The following ADAD1 variants were observed in gnomAD, a reference collection of about 807,000 sequenced individuals.
ADAD1 encodes the protein adenosine deaminase domain-containing protein 1.
Under a neutral mutation model 66.8 loss-of-function variants are expected in ADAD1, and 46 were observed. The ratio of observed to expected loss-of-function variants is 0.69; its 90% CI spans 0.54 to 0.88. ADAD1 has a LOEUF of 0.88. Among genes scored for constraint, ADAD1 ranks in the 40% least tolerant of loss-of-function variants. The pLI is 0.00. For missense variants in ADAD1, 617 were observed against 681.8 expected (o/e 0.91, Z 1.06); for synonymous variants, 248 against 229.4 (o/e 1.08, Z -0.73).
rs17005718 is a variant in ADAD1, at chr4:122,410,218, A to G, written c.849-1004A>G. Among the ~76,000 whole-genome samples, 372 of 152,360 alleles carry G rather than the reference A, an allele frequency of 2.4e-3. 1 individual carries two copies. Among genetic ancestry groups the G allele is most frequent in the African/African-American group, 8.7e-3 (361 of 41,584 alleles). On this transcript the variant is annotated intron_variant, in intron 8 of 12. Coordinates refer to ENST00000296513, the MANE Select transcript of ADAD1 (RefSeq NM_139243.4). ...ATCTTAAACATTATTCAGCAAGACT[A>G]TGAGGGTAATGCATCTCATTGCCCT...
Position 122,381,119 on chromosome 4 carries a change from C to T in ADAD1, c.300C>T (p.Ala100=), listed in dbSNP as rs1453194356. 6.2e-7 allele frequency: 1 copy of T among 1,601,358 alleles called. No homozygotes were observed. The highest frequency in any genetic ancestry group is 1.1e-5 in the South Asian group (1 of 87,624). ...GTGGAGAGATAAATCCTGTGTCAGC[C>T]TTGCACCAGTTTGCACAAATGCAGC... ...YKRGEINPVS[A]LHQFAQMQRV... Residue 100 remains alanine, a synonymous_variant, in exon 4 of 13, where the codon GCC becomes GCT. Coordinates refer to ENST00000296513, the MANE Select transcript of ADAD1 (RefSeq NM_139243.4).
At chr4:122,415,291 G>A in intron 10 of ADAD1, 88 bp from the exon 11 acceptor site, 1 of 1,048,554 alleles carries the variant, frequency 9.5e-7, no homozygotes, top group African/African-American at 1.6e-5. Flanking sequence ...AGAGAAATGG[G>A]CTTTAGACGA....
At chr4:122,428,109 A>G in intron 12 of ADAD1, among the ~76,000 whole-genome samples, 1 of 152,318 alleles carries the variant, frequency 6.6e-6, no homozygotes, top group African/African-American at 2.4e-5. Flanking sequence ...TATGTCAGTC[A>G]TACACAAAAA....
chr4:122,421,182 A>G (rs1796985333), intron 11 of ADAD1, 79 bp from the exon 12 acceptor site: 1 of 1,120,772 alleles, frequency 8.9e-7, no homozygotes. Flanking sequence ...TTGTAGATCC[A>G]TATTGATTTT....
At chr4:122,413,572 G>T (rs115162344) in intron 10 of ADAD1, among the ~76,000 whole-genome samples, 4 of 151,896 alleles carry the variant, frequency 2.6e-5, no homozygotes, top group African/African-American at 7.2e-5. Context: ...TTGTCCAGAA[G>T]TTATTTCCAT....
chr4:122,391,206 G>T (rs1359357740), intron 5 of ADAD1, among the ~76,000 whole-genome samples: 1 of 152,120 alleles, frequency 6.6e-6, no homozygotes, highest in Admixed American at 6.6e-5. Context: ...CACTCAGGGA[G>T]GCTGGAGAAC....
chr4:122,426,642 A>G (rs1419574571), intron 12 of ADAD1, among the ~76,000 whole-genome samples: 1 of 152,234 alleles, frequency 6.6e-6, no homozygotes, highest in Non-Finnish European at 1.5e-5. Context: ...TCCACAACCA[A>G]GGTGGTTTAT....
rs537676034 is a variant in ADAD1, at chr4:122,422,956, T to TAAA, written c.1617+1587_1617+1589dup. 5.0e-3 allele frequency among the ~76,000 whole-genome samples: 490 copies of TAAA among 97,080 alleles called. 20 individuals carry two copies. The East Asian group carries it at 0.1, about 20-fold the overall frequency. The allele number at this position is 97,080 out of a possible 152,430, so 63.7% of individuals were successfully genotyped here. On this transcript the variant is annotated intron_variant, in intron 12 of 12. Coordinates refer to ENST00000296513, the MANE Select transcript of ADAD1 (RefSeq NM_139243.4). Reference sequence around the variant, plus strand: ...GACAGAGCAAGACCCTATTTCTCTTTAAAAAAAAAAAAAAAAAAAAAAAGA... The same window carrying TAAA: ...GACAGAGCAAGACCCTATTTCTCTTTAAAAAAAAAAAAAAAAAAAAAAAAAAGA...
chr4:122,420,895 C>G (rs1449162294), intron 11 of ADAD1, among the ~76,000 whole-genome samples: 2 of 152,036 alleles, frequency 1.3e-5, no homozygotes, highest in African/African-American at 4.8e-5. Context: ...ATTTGTATAC[C>G]TATGTAACCA....
intron 6 of ADAD1, 138 bp from the exon 7 acceptor site, chr4:122,396,114 C>T (rs1017708330): frequency 5.5e-5 from 36 of 654,496 alleles, no homozygotes; most frequent in Non-Finnish European, 7.4e-5. Context: ...AAATCTCAGT[C>T]ATGACCTAAA....
Position 122,411,364 on chromosome 4 carries a change from A to G in ADAD1, c.991A>G (p.Lys331Glu), listed in dbSNP as rs748849398. Residue 331 changes from lysine to glutamate, a missense_variant, in exon 9 of 13, where the codon AAA becomes GAA. Physicochemically the swap from Lys to Glu is moderately conservative, Grantham distance 56. Coordinates refer to ENST00000296513, the MANE Select transcript of ADAD1 (RefSeq NM_139243.4). ...NICLYMNQLP[K>E]GSAQIKSQLR... ...TTGCCTTTACATGAACCAGTTGCCT[A>G]AAGGATCAGCCCAGATTAAGTCACA... 3 of 1,612,852 alleles carry G rather than the reference A, an allele frequency of 1.9e-6. No individual in the cohort carries two copies. In the East Asian group the frequency reaches 6.7e-5, roughly 36 times the overall value.
intron 4 of ADAD1, among the ~76,000 whole-genome samples, chr4:122,383,333 G>T (rs28527444): frequency 0.085 from 12,928 of 152,112 alleles, 1,866 homozygotes; most frequent in African/African-American, 0.29. Context: ...ATATTCTGGA[G>T]CTTAAAAGTA....
At position 122,408,042 on chromosome 4, in the gene ADAD1, A is replaced by G; in HGVS notation, c.848+11A>G. ...AAGGTCTCTTCTTAGGTAAGACAAT[A>G]CATATATTAATGTTATTAAATATGA... On this transcript the variant is annotated intron_variant, in intron 8 of 12. Transcript: ENST00000296513. 3 of 1,608,286 alleles carry G rather than the reference A, an allele frequency of 1.9e-6. No homozygotes were observed. Among genetic ancestry groups the G allele is most frequent in the Non-Finnish European group, 2.5e-6 (3 of 1,177,068 alleles).
At chr4:122,425,042 G>A (rs1049800359) in intron 12 of ADAD1, among the ~76,000 whole-genome samples, 1 of 152,024 alleles carries the variant, frequency 6.6e-6, no homozygotes, top group Non-Finnish European at 1.5e-5. Flanking sequence ...TAACAACAAA[G>A]CCGTAAAATA....
chr4:122,423,999 G>A (rs955897212), intron 12 of ADAD1, among the ~76,000 whole-genome samples: 1 of 152,104 alleles, frequency 6.6e-6, no homozygotes, highest in African/African-American at 2.4e-5. Context: ...TGTGACTCGT[G>A]AATTATATCT....
intron 7 of ADAD1, among the ~76,000 whole-genome samples, chr4:122,405,456 C>T (rs1035646716): frequency 6.6e-6 from 1 of 152,120 alleles, no homozygotes; most frequent in Non-Finnish European, 1.5e-5. Context: ...TTAGCCTTGC[C>T]AAGGTACCCA....
chr4:122,407,840 A>C, intron 7 of ADAD1, 68 bp from the exon 8 acceptor site: 1 of 1,455,352 alleles, frequency 6.9e-7, no homozygotes, highest in South Asian at 1.5e-5. Context: ...GATGAGATAG[A>C]GGTAAGAGGT....
intron 7 of ADAD1, among the ~76,000 whole-genome samples, chr4:122,405,259 T>C (rs1382192189): frequency 1.3e-5 from 2 of 152,276 alleles, no homozygotes; most frequent in African/African-American, 4.8e-5. Flanking sequence ...AAAGCCTGGC[T>C]TCCCAAATTT....
chr4:122,409,211 A>T (rs1219257735), intron 8 of ADAD1, among the ~76,000 whole-genome samples: 1 of 152,208 alleles, frequency 6.6e-6, no homozygotes, highest in African/African-American at 2.4e-5. Flanking sequence ...TTACAAGAGG[A>T]ATGAATAGCA....
Sources: allele counts gnomAD v4.1 joint callset (sites outside exome capture counted in the v4.1 genomes callset), GRCh38; gene constraint gnomAD v4.1.1; transcripts MANE v1.5; gene names NCBI Gene and HGNC (gene_info 2026-07-23, HGNC 2026-07-21).